N4BP2: variants seen among roughly 807,000 people sequenced by gnomAD.
The protein encoded by N4BP2 is NEDD4 binding protein 2.
Under a neutral mutation model 152.8 loss-of-function variants are expected in N4BP2, and 91 were observed. That is an observed-to-expected ratio of 0.60 (90% CI 0.50 to 0.71). The LOEUF is 0.71. Among genes scored for constraint, N4BP2 ranks in the 30% least tolerant of loss-of-function variants. The pLI is 0.00. For synonymous variants in N4BP2, 646 were observed against 705.3 expected (o/e 0.92, Z 1.33); for missense variants, 1,923 against 2,059.1 (o/e 0.93, Z 1.28).
intron 16 of N4BP2, among the ~76,000 whole-genome samples, chr4:40,151,419 G>A (rs1460007588): frequency 6.6e-6 from 1 of 152,018 alleles, no homozygotes. Context: ...CTACAGGTGC[G>A]CCTCGCCATG....
chr4:40,119,014 A>C (rs1717606423), intron 8 of N4BP2, among the ~76,000 whole-genome samples: 1 of 152,178 alleles, frequency 6.6e-6, no homozygotes, highest in Non-Finnish European at 1.5e-5. Flanking sequence ...TTGATTGAGA[A>C]ACAGTGTTGC....
At chr4:40,176,132 T>C in the N4BP2 span, among the ~76,000 whole-genome samples, 1 of 151,652 alleles carries the variant, frequency 6.6e-6, no homozygotes, top group African/African-American at 2.4e-5. Context: ...CAAATTTTGA[T>C]GATTTTCCTA....
At position 40,126,143 on chromosome 4, in the gene N4BP2, TG is replaced by T; in HGVS notation, c.4342del (p.Val1448LeufsTer22). ...SCGKFMQDPS[L>X]VGHTGLDNPE... The stretch of plus-strand genomic sequence containing the variant: ...TTATACTACTTTGTAGATCCTTCCT[TG>T]GTTGGACATACTGGGCTTGATAATC... On this transcript the variant is annotated frameshift_variant, in exon 12 of 18. Transcript: ENST00000261435. LOFTEE classifies it high-confidence loss of function. The T allele has an allele frequency of 6.3e-7, 1 of 1,582,326 alleles. No homozygotes were observed. The highest frequency in any genetic ancestry group is 1.2e-5 in the South Asian group (1 of 84,762).
At chr4:40,173,777 T>C in the N4BP2 span, among the ~76,000 whole-genome samples, 1 of 152,202 alleles carries the variant, frequency 6.6e-6, no homozygotes, top group African/African-American at 2.4e-5. Context: ...ATCACCTCTA[T>C]TGGCAAACCA....
the N4BP2 span, among the ~76,000 whole-genome samples, chr4:40,179,216 A>C: frequency 6.6e-6 from 1 of 152,048 alleles, no homozygotes; most frequent in African/African-American, 2.4e-5. Flanking sequence ...AAAGTACAAA[A>C]AAATTTAGCT....
chr4:40,150,460 A>G (rs1297017853), intron 16 of N4BP2, among the ~76,000 whole-genome samples: 2 of 152,144 alleles, frequency 1.3e-5, no homozygotes, highest in Non-Finnish European at 2.9e-5. Context: ...TGAGGTCAGG[A>G]GTTTGAGACC....
intron 2 of N4BP2, among the ~76,000 whole-genome samples, chr4:40,090,442 G>A (rs1328625717): frequency 1.3e-5 from 2 of 151,974 alleles, no homozygotes; most frequent in Non-Finnish European, 2.9e-5. Flanking sequence ...ATTAAGTTTT[G>A]TACTTGTTTT....
At chr4:40,076,428 A>T (rs1340055219) in intron 2 of N4BP2, among the ~76,000 whole-genome samples, 3 of 151,992 alleles carry the variant, frequency 2.0e-5, no homozygotes, top group Non-Finnish European at 4.4e-5. Context: ...TTGAGCTCAG[A>T]TCCTGTCACT....
intron 8 of N4BP2, among the ~76,000 whole-genome samples, chr4:40,118,627 G>A (rs1717574060): frequency 6.6e-6 from 1 of 152,158 alleles, no homozygotes. Context: ...AGTTTTACTT[G>A]ACGCTCGCTG....
chr4:40,113,974 C>T (rs1717132046), intron 7 of N4BP2, among the ~76,000 whole-genome samples: 1 of 152,128 alleles, frequency 6.6e-6, no homozygotes, highest in Non-Finnish European at 1.5e-5. Context: ...CTATGTGCTA[C>T]TGGGAGGGGC....
chr4:40,125,630 A>C (rs1407778698), intron 11 of N4BP2, among the ~76,000 whole-genome samples: 2 of 152,204 alleles, frequency 1.3e-5, no homozygotes, highest in African/African-American at 4.8e-5. Context: ...TCACGCCTGT[A>C]ATCCCAGCAC....
chr4:40,150,027 A>G (rs1720998479), intron 16 of N4BP2, among the ~76,000 whole-genome samples: 3 of 152,230 alleles, frequency 2.0e-5, no homozygotes, highest in Admixed American at 6.5e-5. Flanking sequence ...GCATGCTGCC[A>G]CCTGTGGTAG....
intron 2 of N4BP2, among the ~76,000 whole-genome samples, chr4:40,081,175 C>A (rs185339197): frequency 1.1e-4 from 17 of 151,860 alleles, no homozygotes; most frequent in South Asian, 2.1e-4. Flanking sequence ...GCATTTCTTA[C>A]GGATTATGTG....
intron 2 of N4BP2, among the ~76,000 whole-genome samples, chr4:40,087,722 T>A (rs1377763518): frequency 6.6e-6 from 1 of 152,144 alleles, no homozygotes; most frequent in African/African-American, 2.4e-5. Flanking sequence ...GTGGAATAAT[T>A]CAATATAGCC....
chr4:40,102,802 A>G lies in N4BP2; in HGVS notation c.957A>G (p.Leu319=), dbSNP rs779108947. 2.4e-5 allele frequency: 38 copies of G among 1,614,028 alleles called. No individual in the cohort carries two copies. Among genetic ancestry groups the G allele is most frequent in the Non-Finnish European group, 2.8e-5 (33 of 1,180,036 alleles). Reference sequence around the variant, plus strand: ...CTACTCGGGTCTCTGATGTGTTTCTACCTTCCGAAGGGTTCAACTTCAAGC... The same window carrying G: ...CTACTCGGGTCTCTGATGTGTTTCTGCCTTCCGAAGGGTTCAACTTCAAGC... The part of the protein sequence containing the change: ...QKSTRVSDVF[L]PSEGFNFKPH... The change falls in exon 4 of 18, where the codon CTA becomes CTG. Residue 319 remains leucine, a synonymous_variant. Coordinates refer to ENST00000261435, the MANE Select transcript of N4BP2 (RefSeq NM_018177.6).
At chr4:40,113,590 G>T in intron 7 of N4BP2, 82 bp downstream of exon 7, 1 of 920,432 alleles carries the variant, frequency 1.1e-6, no homozygotes, top group Non-Finnish European at 1.8e-6. Context: ...CCTTGTAAAT[G>T]ATGAATGAAT....
In N4BP2 at chr4:40,120,246, G is replaced by C. The variant is rs774709074; in HGVS notation, c.2135G>C (p.Ser712Thr). Reference sequence around the variant, plus strand: ...GAAATGGTGGCTGTAAAAGGGTATAGTAAAACTGACACAGATAGTTCTATG... The same window carrying C: ...GAAATGGTGGCTGTAAAAGGGTATACTAAAACTGACACAGATAGTTCTATG... The part of the protein sequence containing the change: ...QIEMVAVKGY[S>T]KTDTDSSMER... The change falls in exon 9 of 18, where the codon AGT (serine) becomes ACT (threonine). Residue 712 changes from serine (S) to threonine (T), a missense_variant. By Grantham distance (58) the Ser-to-Thr change is moderately conservative. Coordinates refer to ENST00000261435, the MANE Select transcript of N4BP2 (RefSeq NM_018177.6). The C allele has an allele frequency of 1.7e-5, 27 of 1,613,780 alleles. No homozygotes were observed. Among genetic ancestry groups the C allele is most frequent in the Non-Finnish European group, 2.2e-5 (26 of 1,179,988 alleles).
intron 2 of N4BP2, among the ~76,000 whole-genome samples, chr4:40,095,807 A>G (rs190236067): frequency 6.6e-6 from 1 of 152,326 alleles, no homozygotes; most frequent in Admixed American, 6.5e-5. Context: ...GAGTATATCA[A>G]GGGCTAGCAG....
Position 40,117,900 on chromosome 4 carries a change from A to G in N4BP2, c.1696A>G (p.Ile566Val). 6.2e-7 allele frequency: 1 copy of G among 1,611,136 alleles called. No individual in the cohort carries two copies. The highest frequency in any genetic ancestry group is 8.5e-7 in the Non-Finnish European group (1 of 1,178,864). The change falls in exon 8 of 18, where the codon ATA (isoleucine) becomes GTA (valine). Residue 566 changes from isoleucine to valine, a missense_variant. Transcript: ENST00000261435. ...CATTCATGGGGTAAGCAAAGAAAAA[A>G]TAACAAGAATGTTGGAACATTATCA... is the stretch of plus-strand genomic sequence containing the variant. ...RNIHGVSKEK[I>V]TRMLEHYQRF...
Sources: allele counts gnomAD v4.1 joint callset (sites outside exome capture counted in the v4.1 genomes callset), GRCh38; gene constraint gnomAD v4.1.1; transcripts MANE v1.5; gene names NCBI Gene and HGNC (gene_info 2026-07-23, HGNC 2026-07-21).